Variants in LRRC39 observed in about 807,000 individuals in gnomAD.
LRRC39 encodes the protein leucine-rich repeat-containing protein 39.
In LRRC39, 35 loss-of-function variants were observed where a neutral mutation model predicts 39.7. The ratio of observed to expected loss-of-function variants is 0.88; its 90% CI spans 0.67 to 1.17. LRRC39 has a LOEUF of 1.17. Ranked by LOEUF, LRRC39 falls within the 50% of genes most tolerant of loss-of-function variation. The pLI is 0.00. For missense variants in LRRC39, 357 were observed against 385.8 expected, an observed-to-expected ratio of 0.93 and a Z score of 0.62; for synonymous variants, 113 against 134.1, an observed-to-expected ratio of 0.84 and a Z score of 1.09.
At chr1:100,156,431 CTTTA>C in intron 6 of LRRC39, 114 bp from the exon 7 acceptor site, 2 of 1,040,448 alleles carry the variant, frequency 1.9e-6, no homozygotes, top group South Asian at 2.4e-5. Context: ...TTTACTTGGG[CTTTA>C]TTTAGTCATA....
rs770210841 is a variant in LRRC39, at chr1:100,148,789, A to G, written c.*253T>C. ...AATGTTTTGTTAACTGCTTTACCAA[A>G]TCATTCTTCATCACCAGAAACAACT... On this transcript the variant is annotated 3_prime_UTR_variant, in exon 10 of 10. Coordinates refer to ENST00000370137, the MANE Select transcript of LRRC39 (RefSeq NM_144620.4). The G allele has an allele frequency of 2.6e-6, 4 of 1,522,164 alleles. No individual in the cohort carries two copies. The highest frequency in any genetic ancestry group is 3.5e-6 in the Non-Finnish European group (4 of 1,137,542). 94.3% of individuals were successfully genotyped at this position (1,522,164 alleles called of 1,614,324 possible).
intron 8 of LRRC39, among the ~76,000 whole-genome samples, chr1:100,153,790 CTG>C (rs1658243445): frequency 6.6e-6 from 1 of 152,028 alleles, no homozygotes; most frequent in Admixed American, 6.6e-5. Context: ...GAAATAGTCT[CTG>C]TTTCCCAAGC....
At position 100,152,272 on chromosome 1, in the gene LRRC39, A is replaced by C. The variant is rs912247854; in HGVS notation, c.952+113T>G. ...CTAAGAGAACAGAATTTGACAGAAA[A>C]CTTAAGATGGAATGAGAAATATATA... On this transcript the variant is annotated intron_variant, in intron 9 of 9. Transcript: ENST00000370137. 2.7e-6 allele frequency: 3 copies of C among 1,125,210 alleles called. No homozygotes were observed. The African/African-American group carries it at 4.7e-5, about 18-fold the overall frequency. 69.7% of individuals were successfully genotyped at this position (1,125,210 alleles called of 1,614,324 possible).
chr1:100,173,695 A>C (rs1485349354), intron 1 of LRRC39, among the ~76,000 whole-genome samples: 1 of 152,224 alleles, frequency 6.6e-6, no homozygotes, highest in Non-Finnish European at 1.5e-5. Context: ...ATTTTTCATG[A>C]GTACAATTAT....
intron 1 of LRRC39, among the ~76,000 whole-genome samples, chr1:100,175,564 T>C (rs1557931089): frequency 6.6e-6 from 1 of 152,088 alleles, no homozygotes; most frequent in African/African-American, 2.4e-5. Context: ...TAAGAACCTA[T>C]TGAAAGACAT....
intron 3 of LRRC39, among the ~76,000 whole-genome samples, chr1:100,167,393 C>T (rs114758923): frequency 0.014 from 2,207 of 152,258 alleles, 25 homozygotes; most frequent in Non-Finnish European, 0.022. Context: ...AACAGCCTCA[C>T]TTCCCTATCG....
chr1:100,156,983 CA>C (rs537349753), intron 6 of LRRC39, among the ~76,000 whole-genome samples: 2 of 149,220 alleles, frequency 1.3e-5, no homozygotes, highest in South Asian at 2.1e-4. Flanking sequence ...GACTCTGTCT[CA>C]AAAAAAAAGA....
At chr1:100,174,134 A>G (rs144715290) in intron 1 of LRRC39, among the ~76,000 whole-genome samples, 1 of 152,302 alleles carries the variant, frequency 6.6e-6, no homozygotes, top group African/African-American at 2.4e-5. Flanking sequence ...CACTCTTGCC[A>G]AAGAAAACTA....
At chr1:100,170,801 C>T (rs1659548681) in intron 2 of LRRC39, among the ~76,000 whole-genome samples, 1 of 152,038 alleles carries the variant, frequency 6.6e-6, no homozygotes, top group Non-Finnish European at 1.5e-5. Flanking sequence ...CAGCCTTGAC[C>T]TCTGGGCTCA....
intron 9 of LRRC39, among the ~76,000 whole-genome samples, chr1:100,151,112 A>G (rs1222201527): frequency 7.0e-6 from 1 of 142,498 alleles, no homozygotes; most frequent in Non-Finnish European, 1.5e-5. Flanking sequence ...CTGGGCAACC[A>G]GAGAGAAACT....
rs539972881 is a variant in LRRC39, at chr1:100,169,887, T to C, written c.-78-1293A>G. Reference sequence around the variant, plus strand: ...AGAGCCAAATTGTTTTCCAAATTGATTGTGCCCATTTATACTCTTACTACC... The same window carrying C: ...AGAGCCAAATTGTTTTCCAAATTGACTGTGCCCATTTATACTCTTACTACC... On this transcript the variant is annotated intron_variant, in intron 2 of 9. Transcript: ENST00000370137. Among the ~76,000 whole-genome samples the C allele has an allele frequency of 1.3e-3, 197 of 152,300 alleles. 3 individuals carry two copies. The highest frequency in any genetic ancestry group is 4.5e-3 in the African/African-American group (189 of 41,586).
At chr1:100,177,692 A>G (rs1660054554) in intron 1 of LRRC39, among the ~76,000 whole-genome samples, 1 of 151,896 alleles carries the variant, frequency 6.6e-6, no homozygotes, top group Non-Finnish European at 1.5e-5. Flanking sequence ...TTTAGAAGAC[A>G]TGTAAAACAA....
At chr1:100,175,272 T>TA (rs1488794534) in intron 1 of LRRC39, among the ~76,000 whole-genome samples, 2 of 152,006 alleles carry the variant, frequency 1.3e-5, no homozygotes, top group African/African-American at 4.8e-5. Flanking sequence ...TCATGGCTTA[T>TA]AGTAGCCTTG....
At chr1:100,149,438 G>A (rs1308090734) in intron 9 of LRRC39, 3 of 1,537,130 alleles carry the variant, frequency 2.0e-6, no homozygotes, top group South Asian at 2.5e-5. Flanking sequence ...CTGAAGAGCT[G>A]TTTTCAAAGA....
At chr1:100,166,111 C>G (rs1478723949) in intron 3 of LRRC39, among the ~76,000 whole-genome samples, 1 of 152,134 alleles carries the variant, frequency 6.6e-6, no homozygotes, top group Non-Finnish European at 1.5e-5. Context: ...TTTGCTCTTC[C>G]TTTGGCTTCC....
chr1:100,156,079 G>A (rs906007275), intron 7 of LRRC39, 93 bp downstream of exon 7: 2 of 1,213,174 alleles, frequency 1.6e-6, no homozygotes, highest in African/African-American at 3.0e-5. Flanking sequence ...TATTGTGATT[G>A]ATTATGCTTG....
In LRRC39 at chr1:100,152,529, A is replaced by G. The variant is rs773979041; in HGVS notation, c.813-5T>C. 4.6e-5 allele frequency: 74 copies of G among 1,612,648 alleles called. No homozygotes were observed. In the East Asian group the frequency reaches 1.5e-3, roughly 34 times the overall value. ...TTGTCTCTGAAGTTGACAAACCTAG[A>G]AGTTCATCAAAAAACAGTATTTTTA... On this transcript the variant is annotated splice_polypyrimidine_tract_variant and splice_region_variant and intron_variant, in intron 8 of 9. Coordinates refer to ENST00000370137, the MANE Select transcript of LRRC39 (RefSeq NM_144620.4).
intron 1 of LRRC39, among the ~76,000 whole-genome samples, chr1:100,177,828 C>T (rs1360979316): frequency 1.3e-5 from 2 of 152,138 alleles, no homozygotes; most frequent in African/African-American, 4.8e-5. Flanking sequence ...TCCTCCAGCA[C>T]AGGACTGCTC....
At chr1:100,170,507 C>T (rs952954622) in intron 2 of LRRC39, among the ~76,000 whole-genome samples, 1 of 152,200 alleles carries the variant, frequency 6.6e-6, no homozygotes, top group South Asian at 2.1e-4. Flanking sequence ...TAGGGAGTGA[C>T]TGCTAACTGT....
Sources: allele counts gnomAD v4.1 joint callset (sites outside exome capture counted in the v4.1 genomes callset), GRCh38; gene constraint gnomAD v4.1.1; transcripts MANE v1.5; gene names NCBI Gene and HGNC (gene_info 2026-07-23, HGNC 2026-07-21).